The following NDUFA11 variants were observed in gnomAD, a reference collection of about 807,000 sequenced individuals.
The protein encoded by NDUFA11 is NADH dehydrogenase [ubiquinone] 1 alpha subcomplex subunit 11.
NDUFA11 carries 14 observed loss-of-function variants against 11.3 expected under a neutral mutation model. That is an observed-to-expected ratio of 1.24 (90% CI 0.82 to 1.94). The LOEUF is 1.94. Ranked by LOEUF, NDUFA11 falls within the 30% of genes most tolerant of loss-of-function variation. The pLI is 0.00. For synonymous variants in NDUFA11, 87 were observed against 85.6 expected (o/e 1.02, Z -0.09); for missense variants, 204 against 200.3 (o/e 1.02, Z -0.11).
At chr19:5,897,301 C>A (rs2057616483) in intron 1 of NDUFA11, among the ~76,000 whole-genome samples, 1 of 152,202 alleles carries the variant, frequency 6.6e-6, no homozygotes, top group African/African-American at 2.4e-5. Flanking sequence ...CTGGCCCTGG[C>A]AGGGCACCGG....
At position 5,896,300 on chromosome 19, in the gene NDUFA11, C is replaced by T; in HGVS notation, c.313+153G>A. ...GCCACAGTAGGTGCTTAAGCAGCAG[C>T]AGCAGCTGTCGCTATGACTGAAATG... On this transcript the variant is annotated intron_variant, in intron 3 of 3. Coordinates refer to ENST00000308961, the MANE Select transcript of NDUFA11 (RefSeq NM_175614.5). The surrounding 1 kb of genome is among the most constrained non-coding windows in gnomAD (Gnocchi z 5.8). The T allele has an allele frequency of 3.3e-6, 3 of 912,252 alleles. No homozygotes were observed. Among genetic ancestry groups the T allele is most frequent in the Non-Finnish European group, 4.9e-6 (3 of 608,102 alleles). 56.5% of individuals were successfully genotyped at this position (912,252 alleles called of 1,614,324 possible).
chr19:5,892,729 G>A (rs1213983925), downstream of NDUFA11: 1 of 770,050 alleles, frequency 1.3e-6, no homozygotes, highest in South Asian at 3.7e-5. Context: ...GCCCCCTGCC[G>A]GCCGCAGTAG....
At chr19:5,894,550 G>C (rs970118173), downstream of NDUFA11, 1 of 1,202,466 alleles carries the variant, frequency 8.3e-7, no homozygotes, top group Non-Finnish European at 1.2e-6. Context: ...ACCCTTGGCA[G>C]GGACGGCAGG....
intron 3 of NDUFA11, chr19:5,895,363 TCA>T (rs2057601297): frequency 3.1e-5 from 5 of 159,948 alleles, no homozygotes; most frequent in Admixed American, 3.0e-4. Flanking sequence ...CTAAAGGGAC[TCA>T]CACTCTTTGA....
intron 1 of NDUFA11, 26 bp downstream of exon 1, chr19:5,903,586 A>ACCCT: frequency 6.5e-7 from 1 of 1,545,152 alleles, no homozygotes; most frequent in Non-Finnish European, 8.7e-7. Flanking sequence ...TCGGCCCTCC[A>ACCCT]CCCTCGGGGC....
At position 5,903,742 on chromosome 19, in the gene NDUFA11, G is replaced by T. The variant is rs368323549; in HGVS notation, c.-34C>A. On this transcript the variant is annotated 5_prime_UTR_variant, in exon 1 of 4. Coordinates refer to ENST00000308961, the MANE Select transcript of NDUFA11 (RefSeq NM_175614.5). The stretch of plus-strand genomic sequence containing the variant: ...ATCTCGATCCCGCACCACGGACCCC[G>T]CCAGCTCGGGAAGCGCAAGGGCAGC... 1 of 1,546,638 alleles carries T rather than the reference G, an allele frequency of 6.5e-7. No individual in the cohort carries two copies. Among genetic ancestry groups the T allele is most frequent in the East Asian group, 2.4e-5 (1 of 40,892 alleles).
At chr19:5,902,990 G>A (rs1275207910) in intron 1 of NDUFA11, among the ~76,000 whole-genome samples, 4 of 132,142 alleles carry the variant, frequency 3.0e-5, no homozygotes, top group Middle Eastern at 5.1e-3. Flanking sequence ...CAGCCCGGGC[G>A]ACAGAGCAAG....
chr19:5,894,687 C>T lies in NDUFA11; in HGVS notation c.*55G>A, dbSNP rs771648754. 9 of 1,589,798 alleles carry T rather than the reference C, an allele frequency of 5.7e-6. No individual in the cohort carries two copies. In the Admixed American group the frequency reaches 8.8e-5, roughly 16 times the overall value. On this transcript the variant is annotated 3_prime_UTR_variant, in exon 4 of 4. Coordinates refer to ENST00000308961, the MANE Select transcript of NDUFA11 (RefSeq NM_175614.5). Reference sequence around the variant, plus strand: ...CCGGACACTGACACACACACAGACACAGAATTTATTTCTGGACGCATTCTG... The same window carrying T: ...CCGGACACTGACACACACACAGACATAGAATTTATTTCTGGACGCATTCTG...
chr19:5,896,732 G>C lies in NDUFA11; in HGVS notation c.191-157C>G. 1 of 1,250,674 alleles carries C rather than the reference G, an allele frequency of 8.0e-7. No homozygotes were observed. Among genetic ancestry groups the C allele is most frequent in the Non-Finnish European group, 1.1e-6 (1 of 872,908 alleles). 77.5% of individuals were successfully genotyped at this position (1,250,674 alleles called of 1,614,324 possible). ...CCCCAGTCCTGGAGCTGTTCTCCTG[G>C]GCCTCCCCACCCTACATGTATTCCT... is the stretch of plus-strand genomic sequence containing the variant. On this transcript the variant is annotated intron_variant, in intron 2 of 3. Coordinates refer to ENST00000308961, the MANE Select transcript of NDUFA11 (RefSeq NM_175614.5). The surrounding 1 kb of genome is among the most constrained non-coding windows in gnomAD (Gnocchi z 5.8).
chr19:5,896,594 G>A lies in NDUFA11; in HGVS notation c.191-19C>T, dbSNP rs1281293489. 6.4e-7 allele frequency: 1 copy of A among 1,559,522 alleles called. No homozygotes were observed. Among genetic ancestry groups the A allele is most frequent in the Admixed American group, 1.9e-5 (1 of 51,700 alleles). The stretch of plus-strand genomic sequence containing the variant: ...ACAGCAGCTGCGGGGTAGACGGGAA[G>A]AGCAAGGGCCTCGAGACGGGCACAG... On this transcript the variant is annotated intron_variant, in intron 2 of 3. Transcript: ENST00000308961. This position sits in a 1 kb window ranked among gnomAD's most constrained non-coding sequence, Gnocchi z 5.8.
rs1383726391 is a variant in NDUFA11 at position 5,896,914 on chromosome 19, A to G, written c.181T>C (p.Phe61Leu). 1.9e-6 allele frequency: 3 copies of G among 1,613,614 alleles called. No homozygotes were observed. The highest frequency in any genetic ancestry group is 1.7e-5 in the Admixed American group (1 of 60,000). ...EGVAKVGQYT[F>L]TAAAVGAVFG... Reference sequence around the variant, plus strand: ...AGCCCAGCGTGCTCACCTGCAGTGAACGTGTATTGTCCAACCTTAGCCACT... The same window carrying G: ...AGCCCAGCGTGCTCACCTGCAGTGAGCGTGTATTGTCCAACCTTAGCCACT... The change falls in exon 2 of 4, where the codon TTC (phenylalanine) becomes CTC (leucine). Residue 61 changes from phenylalanine (F) to leucine (L), a missense_variant. By Grantham distance (22) the Phe-to-Leu change is conservative. Coordinates refer to ENST00000308961, the MANE Select transcript of NDUFA11 (RefSeq NM_175614.5). This position sits in a 1 kb window ranked among gnomAD's most constrained non-coding sequence, Gnocchi z 5.8.
chr19:5,894,213 G>A (rs1053967154), downstream of NDUFA11, among the ~76,000 whole-genome samples: 2 of 152,256 alleles, frequency 1.3e-5, no homozygotes, highest in Admixed American at 1.3e-4. Context: ...TGCTGGACCA[G>A]CCTGTCCGGG....
At chr19:5,892,338 A>G (rs1401326911), downstream of NDUFA11, 1 of 154,598 alleles carries the variant, frequency 6.5e-6, no homozygotes, top group Non-Finnish European at 1.5e-5. Flanking sequence ...GAGATCTGGT[A>G]CAGGGTTTGG....
chr19:5,901,671 T>G (rs1359773077), intron 1 of NDUFA11, among the ~76,000 whole-genome samples: 1 of 49,068 alleles, frequency 2.0e-5, no homozygotes, highest in Non-Finnish European at 4.7e-5. Context: ...TTTGGGTTTT[T>G]TTTTTTTTTT....
chr19:5,897,144 G>C, intron 1 of NDUFA11, 147 bp from the exon 2 acceptor site: 1 of 727,490 alleles, frequency 1.4e-6, no homozygotes, highest in South Asian at 1.5e-5. Flanking sequence ...GAGTGGCAGA[G>C]CTGGATTTGA....
At chr19:5,897,647 T>G (rs1255084351) in intron 1 of NDUFA11, among the ~76,000 whole-genome samples, 1 of 152,250 alleles carries the variant, frequency 6.6e-6, no homozygotes, top group East Asian at 1.9e-4. Context: ...GCCTCGCCAC[T>G]CCGGTCAGCT....
Position 5,896,564 on chromosome 19 carries a change from C to A in NDUFA11, c.202G>T (p.Ala68Ser). The A allele has an allele frequency of 6.4e-7, 1 of 1,565,902 alleles. No individual in the cohort carries two copies. The highest frequency in any genetic ancestry group is 1.2e-5 in the South Asian group (1 of 85,152). The change falls in exon 3 of 4, where the codon GCC (alanine) becomes TCC (serine). Residue 68 changes from alanine (A) to serine (S), a missense_variant. Physicochemically the swap from Ala to Ser is moderately conservative, Grantham distance 99. Transcript: ENST00000308961. The surrounding 1 kb of genome is among the most constrained non-coding windows in gnomAD (Gnocchi z 5.8). Reference protein sequence around the residue: ...QYTFTAAAVGAVFGLTTCISA... With the variant: ...QYTFTAAAVGSVFGLTTCISA... ...ATGCAGGTGGTGAGGCCAAACACGG[C>A]CCCGACAGCAGCTGCGGGGTAGACG...
intron 1 of NDUFA11, among the ~76,000 whole-genome samples, chr19:5,897,712 A>G (rs757209754): frequency 6.6e-6 from 1 of 152,250 alleles, no homozygotes; most frequent in Admixed American, 6.5e-5. Flanking sequence ...GCTTCTATGC[A>G]TGAGGAGCTT....
Position 5,896,360 on chromosome 19 carries a change from C to G in NDUFA11, c.313+93G>C. On this transcript the variant is annotated intron_variant, in intron 3 of 3. Transcript: ENST00000308961. The surrounding 1 kb of genome is among the most constrained non-coding windows in gnomAD (Gnocchi z 5.8). ...CAAGAAGGCTGCTTTACTTCTTGTC[C>G]GGGATGGAACAGAGAGGGTGGAGGA... 1 of 1,291,100 alleles carries G rather than the reference C, an allele frequency of 7.7e-7. No homozygotes were observed. Among genetic ancestry groups the G allele is most frequent in the Non-Finnish European group, 1.0e-6 (1 of 970,116 alleles). The allele number at this position is 1,291,100 out of a possible 1,614,324, so 80.0% of individuals were successfully genotyped here. A position where few individuals can be genotyped will look rare whatever the true frequency, so the allele number is the denominator to read the frequency against.
Sources: gnomAD v4.1 joint callset for allele counts (sites outside exome capture counted in the v4.1 genomes callset) on GRCh38, gnomAD v4.1.1 for gene constraint, Gnocchi (gnomAD v3.1) non-coding constraint, MANE v1.5 for transcripts, NCBI Gene and HGNC (gene_info 2026-07-23, HGNC 2026-07-21) for gene names.